LRP1: variants seen among roughly 807,000 people sequenced by gnomAD.
The protein encoded by LRP1 is prolow-density lipoprotein receptor-related protein 1.
In LRP1, 51 loss-of-function variants were observed where a neutral mutation model predicts 541.5. That is an observed-to-expected ratio of 0.09 (90% CI 0.08 to 0.12). LRP1 has a LOEUF of 0.12. Ranked by LOEUF, LRP1 falls within the 10% of genes least tolerant of loss-of-function variation. The pLI is 1.00. For missense variants in LRP1, 3,878 were observed against 6,376.2 expected (o/e 0.61, Z 13.34); for synonymous variants, 2,219 against 2,470.8 (o/e 0.90, Z 3.02).
At chr12:57,144,787 A>G (rs932576778) in intron 4 of LRP1, 185 bp from the exon 5 acceptor site, 2 of 628,540 alleles carry the variant, frequency 3.2e-6, no homozygotes, top group African/African-American at 3.6e-5. Flanking sequence ...GTGTTTCTCT[A>G]GAGTGGATTC....
At chr12:57,187,538 G>A in intron 42 of LRP1, 82 bp downstream of exon 42, 3 of 1,406,036 alleles carry the variant, frequency 2.1e-6, no homozygotes, top group African/African-American at 1.4e-5. Context: ...ATCCAAGCGG[G>A]GGTGCAGGAG....
rs956928170 is a variant in LRP1 at position 57,173,052 on chromosome 12, G to A, written c.3164-116G>A. 3.4e-5 allele frequency: 27 copies of A among 798,574 alleles called. No individual in the cohort carries two copies. The highest frequency in any genetic ancestry group is 3.9e-5 in the Non-Finnish European group (20 of 513,164). The allele number at this position is 798,574 out of a possible 1,614,324, so 49.5% of individuals were successfully genotyped here. A position where few individuals can be genotyped will look rare whatever the true frequency, so the allele number is the denominator to read the frequency against. ...TCAGCAAAGCTTGGCAGACTCTCCA[G>A]GCCTGCCTCTGCTCATATCCCCAGG... On this transcript the variant is annotated intron_variant, in intron 20 of 88. Coordinates refer to ENST00000243077, the MANE Select transcript of LRP1 (RefSeq NM_002332.3). This position sits in a 1 kb window ranked among gnomAD's most constrained non-coding sequence, Gnocchi z 4.7.
rs756131077 is a variant in LRP1, at chr12:57,196,094, G to A, written c.8709G>A (p.Lys2903=). The change falls in exon 55 of 89, where the codon AAG becomes AAA. Residue 2903 remains lysine, a synonymous_variant. Coordinates refer to ENST00000243077, the MANE Select transcript of LRP1 (RefSeq NM_002332.3). ...KNPHCTSQEH[K]CNASSQFLCS... ...GCCTCCGCCCCTCCGCAGAGCACAA[G>A]TGCAATGCCTCGTCACAGTTCCTGT... is the stretch of plus-strand genomic sequence containing the variant. 4 of 1,606,818 alleles carry A rather than the reference G, an allele frequency of 2.5e-6. No individual in the cohort carries two copies. Among genetic ancestry groups the A allele is most frequent in the African/African-American group, 2.7e-5 (2 of 74,834 alleles).
At chr12:57,207,389 A>ACTCACT (rs1487966330) in intron 76 of LRP1, among the ~76,000 whole-genome samples, 34 of 151,934 alleles carry the variant, frequency 2.2e-4, no homozygotes, top group Non-Finnish European at 4.9e-4. Flanking sequence ...AATCCCAGCT[A>ACTCACT]CTCAGGAGGC....
chr12:57,141,919 C>A (rs891883599), intron 3 of LRP1, among the ~76,000 whole-genome samples: 2 of 152,204 alleles, frequency 1.3e-5, no homozygotes, highest in Non-Finnish European at 2.9e-5. Context: ...TAAAGCTTAG[C>A]CATCTAGTTT....
At position 57,211,134 on chromosome 12, in the gene LRP1, G is replaced by A. The variant is rs752326338; in HGVS notation, c.12917-42G>A. ...TGTTCAACCTATGGAGAGCCCTCATGAGGGTGGGGCTTGAGGCACTTCTCT... is the reference window on the plus strand; with the variant it reads ...TGTTCAACCTATGGAGAGCCCTCATAAGGGTGGGGCTTGAGGCACTTCTCT... On this transcript the variant is annotated intron_variant, in intron 83 of 88. Coordinates refer to ENST00000243077, the MANE Select transcript of LRP1 (RefSeq NM_002332.3). The surrounding 1 kb of genome is among the most constrained non-coding windows in gnomAD (Gnocchi z 4.3). 3 of 1,601,938 alleles carry A rather than the reference G, an allele frequency of 1.9e-6. No homozygotes were observed. The highest frequency in any genetic ancestry group is 2.2e-5 in the South Asian group (2 of 90,566).
rs779629494 is a variant in LRP1 at position 57,162,413 on chromosome 12, C to T, written c.2299C>T (p.Arg767Cys). The T allele has an allele frequency of 2.1e-5, 34 of 1,614,018 alleles. No homozygotes were observed. The highest frequency in any genetic ancestry group is 2.5e-5 in the Non-Finnish European group (30 of 1,180,026). ...TGAGTATCGGAGTGGCAGTGTCTAC[C>T]GCTTGGAACGGGGTGTAGGAGGCGC... ...WTEYRSGSVY[R>C]LERGVGGAPP... Residue 767 changes from arginine to cysteine, a missense_variant, in exon 14 of 89, where the codon CGC (arginine) becomes TGC (cysteine). Transcript: ENST00000243077. This position sits in a 1 kb window ranked among gnomAD's most constrained non-coding sequence, Gnocchi z 5.2.
chr12:57,192,573 C>T (rs2036436315), intron 44 of LRP1, among the ~76,000 whole-genome samples: 1 of 152,176 alleles, frequency 6.6e-6, no homozygotes, highest in African/African-American at 2.4e-5. Context: ...GGCCCTCAGA[C>T]TCGAATCTCT....
In LRP1 at chr12:57,196,246, A is replaced by G; in HGVS notation, c.8861A>G (p.Gln2954Arg). The change falls in exon 55 of 89, where the codon CAG (glutamine) becomes CGG (arginine). Residue 2954 changes from glutamine (Q) to arginine (R), a missense_variant. Physicochemically the swap from Gln to Arg is conservative, Grantham distance 43. Around this residue, in one of 13 missense-constraint regions of LRP1, gnomAD observed 1,100 missense variants for 1,827.4 expected, o/e 0.60. Coordinates refer to ENST00000243077, the MANE Select transcript of LRP1 (RefSeq NM_002332.3). Reference sequence around the variant, plus strand: ...AGCCGCAAGCTCAGTGGCTGCAGCCAGGACTGTGAGGACCTCAAGATCGGC... The same window carrying G: ...AGCCGCAAGCTCAGTGGCTGCAGCCGGGACTGTGAGGACCTCAAGATCGGC... ...CLSRKLSGCS[Q>R]DCEDLKIGFK... 6.2e-7 allele frequency: 1 copy of G among 1,602,290 alleles called. No individual in the cohort carries two copies. Among genetic ancestry groups the G allele is most frequent in the Non-Finnish European group, 8.5e-7 (1 of 1,172,082 alleles).
intron 3 of LRP1, among the ~76,000 whole-genome samples, chr12:57,143,330 A>G (rs903008557): frequency 6.6e-6 from 1 of 151,370 alleles, no homozygotes; most frequent in Non-Finnish European, 1.5e-5. Flanking sequence ...TGTAGATGAG[A>G]GGCATATCAA....
intron 2 of LRP1, among the ~76,000 whole-genome samples, chr12:57,140,029 G>T (rs2035254930): frequency 6.6e-6 from 1 of 152,194 alleles, no homozygotes; most frequent in Non-Finnish European, 1.5e-5. Context: ...AATAGACAGT[G>T]GTCTCTCTAT....
At chr12:57,208,555 G>T in intron 77 of LRP1, 156 bp from the exon 78 acceptor site, 1 of 601,224 alleles carries the variant, frequency 1.7e-6, no homozygotes. Flanking sequence ...AACCTGCTCA[G>T]AAGCAGACTC....
rs568681397 is a variant in LRP1 at position 57,134,909 on chromosome 12, G to A, written c.68-3550G>A. On this transcript the variant is annotated intron_variant, in intron 1 of 88. Coordinates refer to ENST00000243077, the MANE Select transcript of LRP1 (RefSeq NM_002332.3). ...TTTAGTAGAGACGGGGTTTCACCGCGTTAGCCAGGATGGTCTCGATCTCCT... is the reference window on the plus strand; with the variant it reads ...TTTAGTAGAGACGGGGTTTCACCGCATTAGCCAGGATGGTCTCGATCTCCT... Among the ~76,000 whole-genome samples, 40 of 152,276 alleles carry A rather than the reference G, an allele frequency of 2.6e-4. No homozygotes were observed. In the South Asian group the frequency reaches 6.0e-3, roughly 23 times the overall value.
rs775431772 is a variant in LRP1 at position 57,173,917 on chromosome 12, C to G, written c.3484C>G (p.Pro1162Ala). 3.7e-6 allele frequency: 6 copies of G among 1,614,132 alleles called. No homozygotes were observed. The Admixed American group carries it at 6.7e-5, about 18-fold the overall frequency. ...CANNTSVCLP[P>A]DKLCDGNDDC... Reference sequence around the variant, plus strand: ...CAACAACACCTCAGTCTGCCTGCCCCCTGACAAGCTGTGTGATGGCAACGA... The same window carrying G: ...CAACAACACCTCAGTCTGCCTGCCCGCTGACAAGCTGTGTGATGGCAACGA... The change falls in exon 22 of 89, where the codon CCT becomes GCT. Residue 1162 changes from proline (P) to alanine (A), a missense_variant. By Grantham distance (27) the Pro-to-Ala change is conservative. Transcript: ENST00000243077. The surrounding 1 kb of genome is among the most constrained non-coding windows in gnomAD (Gnocchi z 4.7).
intron 6 of LRP1, chr12:57,149,266 A>C (rs1016264186): frequency 4.5e-6 from 2 of 441,824 alleles, no homozygotes; most frequent in African/African-American, 4.1e-5. Context: ...TAGCCACCCC[A>C]CTCTTTGGCC....
At chr12:57,209,628 G>C (rs1053003417) in intron 79 of LRP1, 64 bp from the exon 80 acceptor site, 1 of 1,429,310 alleles carries the variant, frequency 7.0e-7, no homozygotes, top group Admixed American at 1.7e-5. Flanking sequence ...TGCCAGTGTC[G>C]TGGACAGCAT....
chr12:57,211,059 C>T lies in LRP1; in HGVS notation c.12917-117C>T. 1.4e-6 allele frequency: 2 copies of T among 1,395,836 alleles called. No homozygotes were observed. The highest frequency in any genetic ancestry group is 1.4e-5 in the African/African-American group (1 of 70,774). 86.5% of individuals were successfully genotyped at this position (1,395,836 alleles called of 1,614,324 possible). A position where few individuals can be genotyped will look rare whatever the true frequency, so the allele number is the denominator to read the frequency against. Reference sequence around the variant, plus strand: ...CCCCACAAAGGTGCTGGCACACTTCCCCTGAGGCAGTGCACCCCCTGCACC... The same window carrying T: ...CCCCACAAAGGTGCTGGCACACTTCTCCTGAGGCAGTGCACCCCCTGCACC... On this transcript the variant is annotated intron_variant, in intron 83 of 88. Coordinates refer to ENST00000243077, the MANE Select transcript of LRP1 (RefSeq NM_002332.3). This position sits in a 1 kb window ranked among gnomAD's most constrained non-coding sequence, Gnocchi z 4.3.
In LRP1 at chr12:57,184,956, T is replaced by G; in HGVS notation, c.6304T>G (p.Ser2102Ala). Reference protein sequence around the residue: ...SSNNMDMFSVSVFEDFIYWSD... With the variant: ...SSNNMDMFSVAVFEDFIYWSD... ...CAACAACATGGACATGTTTTCAGTG[T>G]CTGTGTTTGAGGATTTCATCTACTG... is the stretch of plus-strand genomic sequence containing the variant. Residue 2102 changes from serine to alanine, a missense_variant, in exon 39 of 89, where the codon TCT becomes GCT. By Grantham distance (99) the Ser-to-Ala change is moderately conservative. Coordinates refer to ENST00000243077, the MANE Select transcript of LRP1 (RefSeq NM_002332.3). This position sits in a 1 kb window ranked among gnomAD's most constrained non-coding sequence, Gnocchi z 7.8. 2 of 1,614,108 alleles carry G rather than the reference T, an allele frequency of 1.2e-6. No individual in the cohort carries two copies. Among genetic ancestry groups the G allele is most frequent in the Non-Finnish European group, 1.7e-6 (2 of 1,179,986 alleles).
Position 57,156,220 on chromosome 12 carries a change from G to C in LRP1, c.1354G>C (p.Val452Leu), listed in dbSNP as rs1359867834. ...VNRFNSTEYQVVTRVDKGGAL... is the reference protein window; with the variant it reads ...VNRFNSTEYQLVTRVDKGGAL... ...CCGCTTTAACAGCACCGAGTACCAG[G>C]TTGTCACCCGGGTGGACAAGGGTGG... Residue 452 changes from valine to leucine, a missense_variant, in exon 9 of 89, where the codon GTT (valine) becomes CTT (leucine). This residue lies in a region of LRP1 where 496 missense variants were observed against 861.0 expected (regional missense o/e 0.58). Coordinates refer to ENST00000243077, the MANE Select transcript of LRP1 (RefSeq NM_002332.3). This position sits in a 1 kb window ranked among gnomAD's most constrained non-coding sequence, Gnocchi z 5.2. The C allele has an allele frequency of 6.2e-7, 1 of 1,614,054 alleles. No homozygotes were observed. Among genetic ancestry groups the C allele is most frequent in the African/African-American group, 1.3e-5 (1 of 74,918 alleles).
Sources: allele counts gnomAD v4.1 joint callset (sites outside exome capture counted in the v4.1 genomes callset), GRCh38; gene constraint gnomAD v4.1.1; regional missense constraint gnomAD v4.1.1; non-coding constraint Gnocchi (gnomAD v3.1); transcripts MANE v1.5; gene names NCBI Gene and HGNC (gene_info 2026-07-23, HGNC 2026-07-21).